Variants in TM9SF3 observed in about 807,000 individuals in gnomAD.
TM9SF3 encodes transmembrane 9 superfamily member 3, also known as SM-11044-binding protein.
In TM9SF3, 14 loss-of-function variants were observed where a neutral mutation model predicts 78.6. The observed-to-expected ratio is 0.18, with a 90% CI of 0.12 to 0.28. TM9SF3 has a LOEUF of 0.28. Among genes scored for constraint, TM9SF3 ranks in the 10% least tolerant of loss-of-function variants. The probability of loss-of-function intolerance (pLI) is 1.00; values close to 1 mark genes in which losing one functional copy is unlikely to be tolerated. For missense variants in TM9SF3, 496 were observed against 721.9 expected, an observed-to-expected ratio of 0.69 and a Z score of 3.59; for synonymous variants, 231 against 241.7, an observed-to-expected ratio of 0.96 and a Z score of 0.41.
rs1295134521 is a variant in TM9SF3 at position 96,533,043 on chromosome 10, C to T, written c.1325+8G>A. The T allele has an allele frequency of 1.9e-6, 3 of 1,613,428 alleles. No individual in the cohort carries two copies. In the South Asian group the frequency reaches 3.3e-5, roughly 18 times the overall value. ...AAACAATCGCATAAGATTTAGCATT[C>T]TCTTTACCATTTTTTCTCCGGTATA... On this transcript the variant is annotated splice_region_variant and intron_variant, in intron 10 of 14. Coordinates refer to ENST00000371142, the MANE Select transcript of TM9SF3 (RefSeq NM_020123.4).
chr10:96,585,974 ATGCAAAAGGGAC>A (rs1848623814), intron 1 of TM9SF3, among the ~76,000 whole-genome samples: 1 of 152,196 alleles, frequency 6.6e-6, no homozygotes. Context: ...TTTAGGCCAA[ATGCAAAAGGGAC>A]TGTTTCTGGC....
chr10:96,586,904 GC>G lies in TM9SF3; in HGVS notation c.-70del, dbSNP rs1382191756. 1 of 1,118,286 alleles carries G rather than the reference GC, an allele frequency of 8.9e-7. No individual in the cohort carries two copies. The highest frequency in any genetic ancestry group is 1.1e-6 in the Non-Finnish European group (1 of 906,790). 69.3% of individuals were successfully genotyped at this position (1,118,286 alleles called of 1,614,324 possible). A position where few individuals can be genotyped will look rare whatever the true frequency, so the allele number is the denominator to read the frequency against. On this transcript the variant is annotated 5_prime_UTR_variant, in exon 1 of 15. The change abolishes the stop of an existing upstream ORF in the 5' untranslated region. Coordinates refer to ENST00000371142, the MANE Select transcript of TM9SF3 (RefSeq NM_020123.4). ...TCCCGCCGCCGCCTCCTCCGCCGCC[GC>G]CGCCTCCGCCGCGGCCGATTCGCAT...
chr10:96,548,949 T>C (rs757912007), intron 7 of TM9SF3, among the ~76,000 whole-genome samples: 1 of 152,120 alleles, frequency 6.6e-6, no homozygotes, highest in Admixed American at 6.5e-5. Flanking sequence ...TTTATCTACA[T>C]TGAAAAATCT....
At chr10:96,561,685 T>C (rs1317764452) in intron 4 of TM9SF3, among the ~76,000 whole-genome samples, 2 of 152,096 alleles carry the variant, frequency 1.3e-5, no homozygotes, top group Non-Finnish European at 2.9e-5. Flanking sequence ...AATGTAACCA[T>C]AAAAATACAT....
At chr10:96,542,276 A>C (rs898813291) in intron 9 of TM9SF3, among the ~76,000 whole-genome samples, 6 of 152,332 alleles carry the variant, frequency 3.9e-5, no homozygotes, top group South Asian at 4.1e-4. Flanking sequence ...GGCCAGGGGA[A>C]TACCCTTCCC....
At chr10:96,552,644 T>C (rs1056296798) in intron 6 of TM9SF3, among the ~76,000 whole-genome samples, 4 of 152,192 alleles carry the variant, frequency 2.6e-5, no homozygotes, top group Non-Finnish European at 4.4e-5. Flanking sequence ...GACATATTCT[T>C]ACTTGGTGGC....
In TM9SF3 at chr10:96,530,506, T is replaced by C. The variant is rs754056781; in HGVS notation, c.1394+34A>G. 82 of 1,551,662 alleles carry C rather than the reference T, an allele frequency of 5.3e-5. 1 individual carries two copies. In the Admixed American group the frequency reaches 1.4e-3, roughly 27 times the overall value. ...CCTAAATTGTCTTACTATAATCAAA[T>C]CCCTCAAAACATAAATACATTATCA... On this transcript the variant is annotated intron_variant, in intron 11 of 14. Transcript: ENST00000371142.
chr10:96,562,100 A>G lies in TM9SF3; in HGVS notation c.460T>C (p.Tyr154His). The change falls in exon 4 of 15, where the codon TAT becomes CAT. Residue 154 changes from tyrosine to histidine, a missense_variant. By Grantham distance (83) the Tyr-to-His change is moderately conservative (BLOSUM62 2). Transcript: ENST00000371142. Reference sequence around the variant, plus strand: ...TCAAGTTTTTTATAGGTCCAAAGATAGTAATCTTCTCCATTTTCATCAGCC... The same window carrying G: ...TCAAGTTTTTTATAGGTCCAAAGATGGTAATCTTCTCCATTTTCATCAGCC... ...GEADENGEDY[Y>H]LWTYKKLEIG... is the part of the protein sequence containing the mutation. The G allele has an allele frequency of 1.2e-6, 2 of 1,613,068 alleles. No individual in the cohort carries two copies. Among genetic ancestry groups the G allele is most frequent in the Non-Finnish European group, 1.7e-6 (2 of 1,179,596 alleles).
intron 3 of TM9SF3, 140 bp from the exon 4 acceptor site, chr10:96,562,278 C>G: frequency 3.0e-6 from 2 of 661,154 alleles, no homozygotes; most frequent in Non-Finnish European, 5.0e-6. Context: ...TTGACTCTCC[C>G]TTCACCTTCT....
chr10:96,526,845 C>T (rs1847843429), intron 14 of TM9SF3, among the ~76,000 whole-genome samples: 1 of 152,052 alleles, frequency 6.6e-6, no homozygotes, highest in South Asian at 2.1e-4. Flanking sequence ...TCCATTGAAC[C>T]TAAGCTTTAA....
intron 10 of TM9SF3, among the ~76,000 whole-genome samples, chr10:96,532,528 C>T (rs1847910376): frequency 6.6e-6 from 1 of 152,186 alleles, no homozygotes; most frequent in Middle Eastern, 3.4e-3. Context: ...TACTATACAA[C>T]TATTCCTATA....
chr10:96,568,612 G>A (rs1443708786), intron 2 of TM9SF3, among the ~76,000 whole-genome samples: 2 of 152,122 alleles, frequency 1.3e-5, no homozygotes. Flanking sequence ...AGTTCTCTAA[G>A]AACACAGTAT....
Position 96,576,704 on chromosome 10 carries a change from G to A in TM9SF3, c.228C>T (p.Tyr76=). The A allele has an allele frequency of 6.2e-7, 1 of 1,610,490 alleles. No individual in the cohort carries two copies. Among genetic ancestry groups the A allele is most frequent in the African/African-American group, 1.3e-5 (1 of 74,644 alleles). Residue 76 remains tyrosine (Y), a synonymous_variant, in exon 2 of 15, where the codon TAC becomes TAT. Transcript: ENST00000371142. ...CVGSKKSISH[Y]HETLGEALQG... Reference sequence around the variant, plus strand: ...GAAGTGCTTCTCCCAGAGTTTCATGGTAATGACTGATACTTTTTTTTGACC... The same window carrying A: ...GAAGTGCTTCTCCCAGAGTTTCATGATAATGACTGATACTTTTTTTTGACC...
At chr10:96,555,051 T>C (rs1848218241) in intron 5 of TM9SF3, among the ~76,000 whole-genome samples, 4 of 152,028 alleles carry the variant, frequency 2.6e-5, no homozygotes. Context: ...TCTCTCCCCT[T>C]CCTTTCAATT....
At chr10:96,526,720 T>C (rs1168356656) in intron 14 of TM9SF3, among the ~76,000 whole-genome samples, 1 of 152,102 alleles carries the variant, frequency 6.6e-6, no homozygotes, top group African/African-American at 2.4e-5. Context: ...TATGCAATCA[T>C]AACAAGTAAA....
Position 96,586,856 on chromosome 10 carries a change from G to C in TM9SF3, c.-21C>G. The C allele has an allele frequency of 2.5e-6, 3 of 1,201,070 alleles. No individual in the cohort carries two copies. Among genetic ancestry groups the C allele is most frequent in the Non-Finnish European group, 3.1e-6 (3 of 970,250 alleles). 74.4% of individuals were successfully genotyped at this position (1,201,070 alleles called of 1,614,324 possible). On this transcript the variant is annotated 5_prime_UTR_variant, in exon 1 of 15. Coordinates refer to ENST00000371142, the MANE Select transcript of TM9SF3 (RefSeq NM_020123.4). ...CTCATCCTCCGCGCCCCTCCGGCCCGGAGCCGGCTCACCGACTCCTCCTCC... is the reference window on the plus strand; with the variant it reads ...CTCATCCTCCGCGCCCCTCCGGCCCCGAGCCGGCTCACCGACTCCTCCTCC...
chr10:96,538,863 T>C (rs1047275276), intron 9 of TM9SF3, among the ~76,000 whole-genome samples: 3 of 152,232 alleles, frequency 2.0e-5, no homozygotes, highest in African/African-American at 7.2e-5. Context: ...AGACTTACTA[T>C]ATCAAGTGCT....
At chr10:96,533,496 T>G (rs184776807) in intron 9 of TM9SF3, among the ~76,000 whole-genome samples, 1 of 152,234 alleles carries the variant, frequency 6.6e-6, no homozygotes, top group Non-Finnish European at 1.5e-5. Context: ...CATGCTTTTT[T>G]AATATATTTA....
At position 96,539,910 on chromosome 10, in the gene TM9SF3, A is replaced by G. The variant is rs191720025; in HGVS notation, c.1185+4166T>C. ...GAGAGTCTTGGTTTTCTGTTCTGTA[A>G]AATAGGAATAACCACACCACTAGCT... On this transcript the variant is annotated intron_variant, in intron 9 of 14. Transcript: ENST00000371142. Among the ~76,000 whole-genome samples the G allele has an allele frequency of 4.6e-5, 7 of 152,306 alleles. No homozygotes were observed. The East Asian group carries it at 7.7e-4, about 17-fold the overall frequency.
Sources: allele counts gnomAD v4.1 joint callset (sites outside exome capture counted in the v4.1 genomes callset), GRCh38; gene constraint gnomAD v4.1.1; transcripts MANE v1.5; gene names NCBI Gene and HGNC (gene_info 2026-07-23, HGNC 2026-07-21).